Variants in FA2H observed in about 807,000 individuals in gnomAD.
The protein encoded by FA2H is fatty acid alpha-hydroxylase.
In FA2H, 22 loss-of-function variants were observed where a neutral mutation model predicts 44.9. The ratio of observed to expected loss-of-function variants is 0.49; its 90% CI spans 0.35 to 0.70. The LOEUF (loss-of-function observed/expected upper bound fraction) is 0.70, where lower values mean the gene tolerates loss of function less well. FA2H is among the 30% of genes least tolerant of loss of function. The probability of loss-of-function intolerance (pLI) is 0.01; values close to 1 mark genes in which losing one functional copy is unlikely to be tolerated. For synonymous variants in FA2H, 243 were observed against 213.2 expected (o/e 1.14, Z -1.22); for missense variants, 501 against 504.9 (o/e 0.99, Z 0.07).
At chr16:74,774,386 C>T (rs1962967757) in intron 1 of FA2H, 100 bp downstream of exon 1, 4 of 1,199,070 alleles carry the variant, frequency 3.3e-6, no homozygotes, top group Non-Finnish European at 4.4e-6. Flanking sequence ...CAGAAGCTGT[C>T]ACCTTGGGTC....
chr16:74,726,678 T>G (rs530703028), intron 3 of FA2H, among the ~76,000 whole-genome samples: 1 of 152,326 alleles, frequency 6.6e-6, no homozygotes, highest in South Asian at 2.1e-4. Flanking sequence ...TGAGCCACCA[T>G]GCCCGGCAGG....
intron 1 of FA2H, among the ~76,000 whole-genome samples, chr16:74,751,384 C>A (rs1019894149): frequency 1.3e-5 from 2 of 152,180 alleles, no homozygotes; most frequent in Non-Finnish European, 2.9e-5. Context: ...CTTTGAGCCA[C>A]TGCGCCTGGC....
At chr16:74,715,127 T>C (rs1172249881) in intron 6 of FA2H, among the ~76,000 whole-genome samples, 1 of 152,074 alleles carries the variant, frequency 6.6e-6, no homozygotes, top group Non-Finnish European at 1.5e-5. Flanking sequence ...TGTTTAAGCA[T>C]GTTTGGAGCA....
At chr16:74,748,771 G>C (rs986373943) in intron 1 of FA2H, among the ~76,000 whole-genome samples, 2 of 152,220 alleles carry the variant, frequency 1.3e-5, no homozygotes, top group Non-Finnish European at 2.9e-5. Flanking sequence ...TGCGGCGGGC[G>C]GGGGCTGGGG....
chr16:74,773,889 C>G (rs761102570), intron 1 of FA2H, among the ~76,000 whole-genome samples: 1 of 152,094 alleles, frequency 6.6e-6, no homozygotes, highest in East Asian at 1.9e-4. Context: ...CCCAAGCCAG[C>G]GTGTAGGACA....
chr16:74,727,162 C>CAA, intron 3 of FA2H, 82 bp downstream of exon 3: 1 of 1,571,540 alleles, frequency 6.4e-7, no homozygotes, highest in South Asian at 1.1e-5. Context: ...GGGAGGGACT[C>CAA]AATTGCCCCC....
At chr16:74,726,476 C>T (rs907813453) in intron 3 of FA2H, 145 bp from the exon 4 acceptor site, 28 of 597,390 alleles carry the variant, frequency 4.7e-5, no homozygotes, top group Non-Finnish European at 8.2e-5. Flanking sequence ...GCAACCTCTG[C>T]CTCTGGGGTT....
intron 1 of FA2H, among the ~76,000 whole-genome samples, chr16:74,743,723 G>C (rs1030523654): frequency 6.6e-6 from 1 of 152,140 alleles, no homozygotes; most frequent in African/African-American, 2.4e-5. Flanking sequence ...GCAATGTCAG[G>C]ACTGATATGC....
rs1377395125 is a variant in FA2H at position 74,771,202 on chromosome 16, A to AT, written c.270+3283dup. Among the ~76,000 whole-genome samples the AT allele has an allele frequency of 4.6e-5, 7 of 151,350 alleles. No individual in the cohort carries two copies. In the East Asian group the frequency reaches 1.2e-3, roughly 25 times the overall value. On this transcript the variant is annotated intron_variant, in intron 1 of 6. Coordinates refer to ENST00000219368, the MANE Select transcript of FA2H (RefSeq NM_024306.5). ...TCTTTTCTTTTCTTTTTCCTTTTCT[A>AT]TTTTTTTGTGACAAAATCTTACCTG...
chr16:74,736,557 C>T (rs559719539), intron 2 of FA2H, among the ~76,000 whole-genome samples: 67 of 152,310 alleles, frequency 4.4e-4, no homozygotes, highest in Non-Finnish European at 8.1e-4. Flanking sequence ...CCCTGGTGGT[C>T]TGTGTTATGT....
At chr16:74,773,029 C>G (rs1478542842) in intron 1 of FA2H, among the ~76,000 whole-genome samples, 2 of 152,090 alleles carry the variant, frequency 1.3e-5, no homozygotes, top group Admixed American at 6.5e-5. Flanking sequence ...CCACATGCCA[C>G]CACACCCGGC....
intron 1 of FA2H, among the ~76,000 whole-genome samples, chr16:74,764,934 G>A (rs936271071): frequency 6.6e-5 from 10 of 152,026 alleles, no homozygotes; most frequent in Admixed American, 3.9e-4. Flanking sequence ...AGCAATGTGG[G>A]TCTTGATTGA....
At chr16:74,748,257 C>A (rs1020175296) in intron 1 of FA2H, among the ~76,000 whole-genome samples, 7 of 152,220 alleles carry the variant, frequency 4.6e-5, no homozygotes, top group African/African-American at 7.2e-5. Context: ...AAGCAAACGC[C>A]GCCCTCTTTA....
intron 3 of FA2H, 121 bp downstream of exon 3, chr16:74,727,123 A>T: frequency 7.4e-7 from 1 of 1,344,784 alleles, no homozygotes; most frequent in Non-Finnish European, 1.0e-6. Context: ...TCCCTCCCTG[A>T]CAGCTTTACA....
At chr16:74,721,502 T>G (rs1265340095) in intron 4 of FA2H, among the ~76,000 whole-genome samples, 1 of 152,046 alleles carries the variant, frequency 6.6e-6, no homozygotes, top group Non-Finnish European at 1.5e-5. Context: ...TCCATCTCCC[T>G]CACCTGCACC....
At chr16:74,717,261 T>G (rs1961728254) in intron 5 of FA2H, among the ~76,000 whole-genome samples, 1 of 152,084 alleles carries the variant, frequency 6.6e-6, no homozygotes, top group African/African-American at 2.4e-5. Flanking sequence ...GTGAGGAGTC[T>G]GAGAAGAGAA....
intron 2 of FA2H, among the ~76,000 whole-genome samples, chr16:74,735,842 G>C (rs760800792): frequency 1.3e-5 from 2 of 152,164 alleles, no homozygotes; most frequent in African/African-American, 4.8e-5. Flanking sequence ...AATTAGCCAG[G>C]CATGGTGGTA....
chr16:74,773,986 C>G (rs1055264459), intron 1 of FA2H, among the ~76,000 whole-genome samples: 1 of 152,192 alleles, frequency 6.6e-6, no homozygotes, highest in Admixed American at 6.5e-5. Context: ...CCAGGAAACC[C>G]AAGCTAGTGA....
intron 1 of FA2H, among the ~76,000 whole-genome samples, chr16:74,760,613 T>A (rs1462894031): frequency 6.6e-6 from 1 of 152,096 alleles, no homozygotes; most frequent in African/African-American, 2.4e-5. Flanking sequence ...GAAATCCCCA[T>A]CACATGAGTA....
Sources: allele counts gnomAD v4.1 joint callset (sites outside exome capture counted in the v4.1 genomes callset), GRCh38; gene constraint gnomAD v4.1.1; transcripts MANE v1.5; gene names NCBI Gene and HGNC (gene_info 2026-07-23, HGNC 2026-07-21).